MYO15A: variants seen among roughly 807,000 people sequenced by gnomAD.
MYO15A encodes unconventional myosin-XV.
In MYO15A, 308 loss-of-function variants were observed where a neutral mutation model predicts 394.6. The observed-to-expected ratio is 0.78, with a 90% CI of 0.71 to 0.86. MYO15A has a LOEUF of 0.86. MYO15A is among the 40% of genes least tolerant of loss of function. The probability of loss-of-function intolerance (pLI) is 0.00; values close to 1 mark genes in which losing one functional copy is unlikely to be tolerated. For synonymous variants in MYO15A, 1,957 were observed against 2,003.8 expected, an observed-to-expected ratio of 0.98 and a Z score of 0.62; for missense variants, 4,606 against 4,799.1, an observed-to-expected ratio of 0.96 and a Z score of 1.19.
At chr17:18,173,977 C>T in intron 65 of MYO15A, 56 bp downstream of exon 65, 2 of 1,583,164 alleles carry the variant, frequency 1.3e-6, no homozygotes, top group Non-Finnish European at 1.7e-6. Context: ...CTGGGCCTGG[C>T]TCCAAGATAG....
chr17:18,168,128 A>G (rs554077505), intron 62 of MYO15A, among the ~76,000 whole-genome samples: 2 of 152,238 alleles, frequency 1.3e-5, no homozygotes, highest in Non-Finnish European at 2.9e-5. Flanking sequence ...GTCGTCAAGT[A>G]AATTATGGGT....
At chr17:18,157,447 G>A (rs955323210) in intron 50 of MYO15A, 2 of 902,990 alleles carry the variant, frequency 2.2e-6, no homozygotes, top group Admixed American at 4.3e-5. Flanking sequence ...CCATGTTTGT[G>A]GCCTGAATCT....
rs2046144578 is a variant in MYO15A, at chr17:18,130,823, T to TGTGTGC, written c.4038+18_4038+19insCGTGTG. On this transcript the variant is annotated intron_variant, in intron 8 of 65. Coordinates refer to ENST00000647165, the MANE Select transcript of MYO15A (RefSeq NM_016239.4). ...CTTGAAGATAAAGGTACTCAGTGTG[T>TGTGTGC]GTGTGTGTGTGTGTGTGTGTGTGTG... 9.9e-7 allele frequency: 1 copy of TGTGTGC among 1,007,484 alleles called. No homozygotes were observed. Among genetic ancestry groups the TGTGTGC allele is most frequent in the Non-Finnish European group, 1.4e-6 (1 of 732,370 alleles). The allele number at this position is 1,007,484 out of a possible 1,614,324, so 62.4% of individuals were successfully genotyped here.
chr17:18,131,625 G>A lies in MYO15A; in HGVS notation c.4206+94G>A, dbSNP rs372112704. 62 of 1,446,814 alleles carry A rather than the reference G, an allele frequency of 4.3e-5. No homozygotes were observed. In the African/African-American group the frequency reaches 6.5e-4, roughly 15 times the overall value. 89.6% of individuals were successfully genotyped at this position (1,446,814 alleles called of 1,614,324 possible). ...TGGCCCCTGGTAGGGCTAGGTAGACGTCAAATTAATGAACGAATACATGCG... is the reference window on the plus strand; with the variant it reads ...TGGCCCCTGGTAGGGCTAGGTAGACATCAAATTAATGAACGAATACATGCG... On this transcript the variant is annotated intron_variant, in intron 10 of 65. Transcript: ENST00000647165.
chr17:18,160,128 C>G, intron 56 of MYO15A, 111 bp downstream of exon 56: 1 of 972,602 alleles, frequency 1.0e-6, no homozygotes, highest in Non-Finnish European at 1.6e-6. Flanking sequence ...TTATCTTCCT[C>G]TCACCCTCAT....
intron 56 of MYO15A, among the ~76,000 whole-genome samples, chr17:18,160,252 G>T (rs1014771125): frequency 6.6e-6 from 1 of 152,210 alleles, no homozygotes; most frequent in Non-Finnish European, 1.5e-5. Context: ...TGTAAGTCCA[G>T]ATTCTTAGTT....
At chr17:18,110,544 G>A (rs868737167) in intron 1 of MYO15A, 2 of 152,232 alleles carry the variant, frequency 1.3e-5, no homozygotes. Flanking sequence ...CTGAGCACAG[G>A]TCTTGCAGTC....
intron 45 of MYO15A, 148 bp from the exon 46 acceptor site, chr17:18,154,962 C>A: frequency 2.1e-6 from 2 of 938,020 alleles, no homozygotes; most frequent in South Asian, 2.8e-5. Context: ...CTGGCCATCT[C>A]ATCCATTTCT....
At chr17:18,115,772 C>A (rs1446013746) in intron 1 of MYO15A, among the ~76,000 whole-genome samples, 1 of 152,132 alleles carries the variant, frequency 6.6e-6, no homozygotes, top group Non-Finnish European at 1.5e-5. Flanking sequence ...CCAGTGCACC[C>A]CCACTGCCCT....
At chr17:18,170,708 G>C (rs1567666156) in intron 62 of MYO15A, among the ~76,000 whole-genome samples, 1 of 152,084 alleles carries the variant, frequency 6.6e-6, no homozygotes, top group Admixed American at 6.6e-5. Context: ...TAAGTGAAAA[G>C]AGCAGGAAGC....
intron 34 of MYO15A, 31 bp from the exon 35 acceptor site, chr17:18,149,455 G>T (rs371020749): frequency 6.2e-7 from 1 of 1,614,198 alleles, no homozygotes; most frequent in South Asian, 1.1e-5. Context: ...CAAGAAAAAA[G>T]AACTTGACAT....
Position 18,153,854 on chromosome 17 carries a change from C to A in MYO15A, c.8046C>A (p.Tyr2682Ter). 6.2e-7 allele frequency: 1 copy of A among 1,613,646 alleles called. No individual in the cohort carries two copies. The highest frequency in any genetic ancestry group is 8.5e-7 in the Non-Finnish European group (1 of 1,179,990). ...RLHRLINPNFYGYQDAPWKIF... is the reference protein window; with the variant it reads ...RLHRLINPNF ...ACCGCCTCATCAATCCCAACTTCTACGGCTATCAGGACGCCCCCTGGAAGA... is the reference window on the plus strand; with the variant it reads ...ACCGCCTCATCAATCCCAACTTCTAAGGCTATCAGGACGCCCCCTGGAAGA... Residue 2682 changes from tyrosine (Y) to a stop codon, truncating the protein, a stop_gained, in exon 43 of 66, where the codon TAC (tyrosine) becomes TAA (stop). Transcript: ENST00000647165. LOFTEE classifies it high-confidence loss of function. The surrounding 1 kb of genome is among the most constrained non-coding windows in gnomAD (Gnocchi z 4.1).
At chr17:18,159,740 C>G in intron 55 of MYO15A, 61 bp downstream of exon 55, 1 of 1,575,854 alleles carries the variant, frequency 6.3e-7, no homozygotes, top group Non-Finnish European at 8.7e-7. Context: ...GTTTCCCCAT[C>G]TATCAATGAG....
rs1224780356 is a variant in MYO15A, at chr17:18,122,332, C to T, written c.3532C>T (p.His1178Tyr). 1 of 1,612,958 alleles carries T rather than the reference C, an allele frequency of 6.2e-7. No individual in the cohort carries two copies. Among genetic ancestry groups the T allele is most frequent in the Admixed American group, 1.7e-5 (1 of 60,022 alleles). ...PRVHTHPQSC[H>Y]LGPGAACLSL... ...AGTACACACCCATCCCCAGTCCTGC[C>T]ACCTGGGCCCTGGAGCTGCCTGCCT... The change falls in exon 2 of 66, where the codon CAC becomes TAC. Residue 1178 changes from histidine to tyrosine, a missense_variant. His to Tyr is a moderately conservative substitution (Grantham distance 83). Around this residue, in one of 2 missense-constraint regions of MYO15A, gnomAD observed 2,776 missense variants for 3,109.3 expected, o/e 0.89. Coordinates refer to ENST00000647165, the MANE Select transcript of MYO15A (RefSeq NM_016239.4).
chr17:18,171,715 A>G lies in MYO15A; in HGVS notation c.10160A>G (p.Gln3387Arg). The G allele has an allele frequency of 1.2e-6, 2 of 1,612,804 alleles. No homozygotes were observed. The highest frequency in any genetic ancestry group is 1.7e-6 in the Non-Finnish European group (2 of 1,179,976). ...AGSTWLNLVS[Q>R]HRQQTQALSP... ...TCGACCTGGCTCAACCTGGTCAGCC[A>G]GCACCGGCAGCAGACACAGGCGCTC... The change falls in exon 63 of 66, where the codon CAG (glutamine) becomes CGG (arginine). Residue 3387 changes from glutamine to arginine, a missense_variant. By Grantham distance (43) the Gln-to-Arg change is conservative. Transcript: ENST00000647165.
Position 18,157,043 on chromosome 17 carries a change from G to A in MYO15A, c.8691G>A (p.Gln2897=), listed in dbSNP as rs1028695081. ...ACAAGGGTGACATCATACACCTGCA[G>A]CCCCTAGAGCCACCTCGAGTGGGTC... ...AFHKGDIIHL[Q]PLEPPRVGYS... The change falls in exon 49 of 66, where the codon CAG becomes CAA. Residue 2897 remains glutamine, a synonymous_variant. Transcript: ENST00000647165. The A allele has an allele frequency of 8.7e-6, 14 of 1,614,034 alleles. No homozygotes were observed. The highest frequency in any genetic ancestry group is 1.0e-5 in the Non-Finnish European group (12 of 1,180,040).
At position 18,157,160 on chromosome 17, in the gene MYO15A, C is replaced by T. The variant is rs745852989; in HGVS notation, c.8718C>T (p.Tyr2906=). 4 of 1,610,956 alleles carry T rather than the reference C, an allele frequency of 2.5e-6. No homozygotes were observed. Among genetic ancestry groups the T allele is most frequent in the South Asian group, 2.2e-5 (2 of 90,638 alleles). ...LQPLEPPRVG[Y]SAGCVVRRKV... ...TGACCCGAGCCTGGCCCATAGGCTACAGTGCTGGCTGCGTGGTTCGCAGGA... is the reference window on the plus strand; with the variant it reads ...TGACCCGAGCCTGGCCCATAGGCTATAGTGCTGGCTGCGTGGTTCGCAGGA... Residue 2906 remains tyrosine (Y), a synonymous_variant, in exon 50 of 66, where the codon TAC becomes TAT. Transcript: ENST00000647165.
Position 18,146,111 on chromosome 17 carries a change from A to T in MYO15A, c.6509+4A>T. 6.2e-7 allele frequency: 1 copy of T among 1,613,612 alleles called. No individual in the cohort carries two copies. The highest frequency in any genetic ancestry group is 8.5e-7 in the Non-Finnish European group (1 of 1,179,888). On this transcript the variant is annotated splice_donor_region_variant and intron_variant, in intron 30 of 65. Transcript: ENST00000647165. Reference sequence around the variant, plus strand: ...GCTTCAACAAGTACCTTCTCAAGTGAGTGGGACTGGATAGGGGCTGGGACA... The same window carrying T: ...GCTTCAACAAGTACCTTCTCAAGTGTGTGGGACTGGATAGGGGCTGGGACA...
intron 58 of MYO15A, 30 bp downstream of exon 58, chr17:18,162,709 T>C: frequency 1.9e-6 from 3 of 1,609,074 alleles, no homozygotes; most frequent in Non-Finnish European, 2.6e-6. Flanking sequence ...GGGTTCAAAA[T>C]GAATGGGAGG....
Sources: allele counts gnomAD v4.1 joint callset (sites outside exome capture counted in the v4.1 genomes callset), GRCh38; gene constraint gnomAD v4.1.1; regional missense constraint gnomAD v4.1.1; non-coding constraint Gnocchi (gnomAD v3.1); transcripts MANE v1.5; gene names NCBI Gene and HGNC (gene_info 2026-07-23, HGNC 2026-07-21).